Variants in NAV2 observed in about 807,000 individuals in gnomAD.
NAV2 encodes helicase, APC down-regulated 1.
A neutral mutation model predicts 223.2 loss-of-function variants in NAV2; 54 were observed. The observed-to-expected ratio is 0.24, with a 90% CI of 0.19 to 0.30. NAV2 has a LOEUF of 0.30. Ranked by LOEUF, NAV2 falls within the 10% of genes least tolerant of loss-of-function variation. The pLI is 1.00. For missense variants in NAV2, 2,806 were observed against 3,147.5 expected, an observed-to-expected ratio of 0.89 and a Z score of 2.60; for synonymous variants, 1,279 against 1,239.3, an observed-to-expected ratio of 1.03 and a Z score of -0.67.
intron 1 of NAV2, among the ~76,000 whole-genome samples, chr11:19,640,527 T>C (rs1759587659): frequency 6.6e-6 from 1 of 152,108 alleles, no homozygotes; most frequent in Non-Finnish European, 1.5e-5. Context: ...CTTGAAGATC[T>C]TTTTTTCCCC....
At chr11:19,359,636 G>A (rs973186786) in intron 1 of NAV2, among the ~76,000 whole-genome samples, 7 of 152,170 alleles carry the variant, frequency 4.6e-5, no homozygotes, top group African/African-American at 1.2e-4. Flanking sequence ...AACAAATGAC[G>A]TCACCAGTCA....
intron 1 of NAV2, among the ~76,000 whole-genome samples, chr11:19,611,424 C>T (rs1370376702): frequency 6.6e-6 from 1 of 152,192 alleles, no homozygotes; most frequent in Non-Finnish European, 1.5e-5. Flanking sequence ...CAACAGTCCA[C>T]AATCCAACAT....
Position 19,788,965 on chromosome 11 carries a change from G to C in NAV2, c.268-43519G>C, listed in dbSNP as rs2057335629. 2.6e-5 allele frequency among the ~76,000 whole-genome samples: 4 copies of C among 152,084 alleles called. No homozygotes were observed. The South Asian group carries it at 8.3e-4, about 32-fold the overall frequency. ...CATCTATGCCAGTTAGTAACAGGCT[G>C]TCTTCTTGAAATATTGCTGGCTCTC... On this transcript the variant is annotated intron_variant, in intron 1 of 37. Transcript: ENST00000349880.
In NAV2 at chr11:19,759,077, G is replaced by A. The variant is rs529975088; in HGVS notation, c.267+45115G>A. Among the ~76,000 whole-genome samples, 5 of 144,832 alleles carry A rather than the reference G, an allele frequency of 3.5e-5. No individual in the cohort carries two copies. In the Admixed American group the frequency reaches 3.5e-4, roughly 10 times the overall value. On this transcript the variant is annotated intron_variant, in intron 1 of 37. Transcript: ENST00000349880. ...ATCAGAATGAAATCATAGAACTTTG[G>A]ATCTGAAAGACACTTTTTTTTTTTT...
At chr11:19,688,828 C>T (rs1216208651) in intron 1 of NAV2, among the ~76,000 whole-genome samples, 12 of 152,134 alleles carry the variant, frequency 7.9e-5, no homozygotes, top group East Asian at 1.9e-4. Context: ...CATGGTATGC[C>T]GCAGTTAGCC....
chr11:19,631,160 G>T (rs1435747374), intron 1 of NAV2, among the ~76,000 whole-genome samples: 1 of 150,908 alleles, frequency 6.6e-6, no homozygotes, highest in African/African-American at 2.4e-5. Flanking sequence ...CAATGTGCAG[G>T]TTAGTTACAT....
Position 19,933,136 on chromosome 11 carries a change from A to G in NAV2, c.932-40A>G. On this transcript the variant is annotated intron_variant, in intron 6 of 37. Coordinates refer to ENST00000349880, the MANE Select transcript of NAV2 (RefSeq NM_145117.5). The surrounding 1 kb of genome is among the most constrained non-coding windows in gnomAD (Gnocchi z 4.3). ...CCCTCCCTGGTCTTCAGTGCAGGTC[A>G]ACAAGTATGATTCAGGCCTCCTCTC... 1 of 1,484,200 alleles carries G rather than the reference A, an allele frequency of 6.7e-7. No individual in the cohort carries two copies. Among genetic ancestry groups the G allele is most frequent in the Non-Finnish European group, 9.0e-7 (1 of 1,114,950 alleles). 91.9% of individuals were successfully genotyped at this position (1,484,200 alleles called of 1,614,324 possible).
chr11:19,470,628 G>T (rs1292712618), intron 1 of NAV2, among the ~76,000 whole-genome samples: 2 of 152,086 alleles, frequency 1.3e-5, no homozygotes, highest in Non-Finnish European at 1.5e-5. Context: ...ACCTCTTAAA[G>T]GTCCCATTTC....
intron 11 of NAV2, among the ~76,000 whole-genome samples, chr11:19,992,583 C>CTTTTTTTTTTTTTTTTTTTTTTTTTTT (rs780559920): frequency 9.7e-6 from 1 of 103,582 alleles, no homozygotes. Context: ...TCCTGAAGTA[C>CTTTTTTTTTTTTTTTTTTTTTTTTTTT]TTTTTTTTTT....
intron 1 of NAV2, among the ~76,000 whole-genome samples, chr11:19,486,314 C>T (rs546674238): frequency 2.2e-4 from 34 of 152,226 alleles, no homozygotes; most frequent in Admixed American, 7.2e-4. Flanking sequence ...TGGCCTTCCT[C>T]GTCATTTTTT....
intron 1 of NAV2, among the ~76,000 whole-genome samples, chr11:19,683,342 G>A (rs923362772): frequency 4.0e-4 from 61 of 152,320 alleles, no homozygotes; most frequent in African/African-American, 1.4e-3. Context: ...TTAGGAAGGC[G>A]GGGTCAGTGA....
intron 1 of NAV2, among the ~76,000 whole-genome samples, chr11:19,814,218 G>A (rs925676070): frequency 5.3e-5 from 8 of 152,174 alleles, no homozygotes; most frequent in Admixed American, 4.6e-4. Context: ...GGCAGGTTTC[G>A]CTTGTTTTCT....
rs115421490 is a variant in NAV2, at chr11:19,532,360, C to T, written c.75+181333C>T. On this transcript the variant is annotated intron_variant, in intron 1 of 37. Transcript: ENST00000360655. Reference sequence around the variant, plus strand: ...GGACTGTTTTCTCATCAGTAATATGCAAGTATAATGTCTACTCTATCATCT... The same window carrying T: ...GGACTGTTTTCTCATCAGTAATATGTAAGTATAATGTCTACTCTATCATCT... 5.7e-3 allele frequency among the ~76,000 whole-genome samples: 874 copies of T among 152,268 alleles called. 9 individuals are homozygous for T. The highest frequency in any genetic ancestry group is 0.02 in the African/African-American group (843 of 41,544).
intron 1 of NAV2, among the ~76,000 whole-genome samples, chr11:19,454,106 C>T (rs754063427): frequency 2.2e-4 from 33 of 152,170 alleles, no homozygotes; most frequent in Non-Finnish European, 3.7e-4. Flanking sequence ...GAACACTCCC[C>T]GTCCCTGGAG....
intron 1 of NAV2, among the ~76,000 whole-genome samples, chr11:19,808,595 G>C (rs2058697400): frequency 6.6e-6 from 1 of 152,184 alleles, no homozygotes; most frequent in Admixed American, 6.5e-5. Flanking sequence ...TTTATAGCAA[G>C]TTTATCTGCT....
Position 20,051,352 on chromosome 11 carries a change from T to C in NAV2, c.4481+19T>C, listed in dbSNP as rs746846414. 1.6e-5 allele frequency: 25 copies of C among 1,612,414 alleles called. No individual in the cohort carries two copies. Among genetic ancestry groups the C allele is most frequent in the Non-Finnish European group, 1.9e-5 (22 of 1,178,482 alleles). ...GACTCAGGTATCTGTGTTTCCTCCT[T>C]GCATCTGTGCCATCTGTTGTGGCTT... is the stretch of plus-strand genomic sequence containing the variant. On this transcript the variant is annotated intron_variant, in intron 17 of 37. Coordinates refer to ENST00000349880, the MANE Select transcript of NAV2 (RefSeq NM_145117.5).
rs577167548 is a variant in NAV2 at position 19,977,689 on chromosome 11, G to A, written c.2646-6436G>A. 4.0e-5 allele frequency among the ~76,000 whole-genome samples: 6 copies of A among 151,362 alleles called. No individual in the cohort carries two copies. The South Asian group carries it at 1.3e-3, about 32-fold the overall frequency. On this transcript the variant is annotated intron_variant, in intron 10 of 37. Transcript: ENST00000349880. Reference sequence around the variant, plus strand: ...GCTGCAGTTTTATAATTCGCACTGAGAAATTAAGCCCTTTTTTTTTCCAGT... The same window carrying A: ...GCTGCAGTTTTATAATTCGCACTGAAAAATTAAGCCCTTTTTTTTTCCAGT...
At chr11:19,986,930 A>G (rs1230485236) in intron 11 of NAV2, among the ~76,000 whole-genome samples, 3 of 152,264 alleles carry the variant, frequency 2.0e-5, no homozygotes, top group South Asian at 2.1e-4. Flanking sequence ...TACAAAATCT[A>G]TATTCTAAAT....
rs1268982186 is a variant in NAV2, at chr11:19,625,051, C to T, written c.76-207433C>T. 2.0e-5 allele frequency among the ~76,000 whole-genome samples: 3 copies of T among 152,186 alleles called. No individual in the cohort carries two copies. In the East Asian group the frequency reaches 5.8e-4, roughly 29 times the overall value. ...CATATTCATCATCTCAAACATTTAT[C>T]ATTTCCTTGTGTTGGGAATGTTTAA... On this transcript the variant is annotated intron_variant, in intron 1 of 37. Coordinates refer to the NAV2 transcript ENST00000360655.
Sources: gnomAD v4.1 joint callset for allele counts (sites outside exome capture counted in the v4.1 genomes callset) on GRCh38, gnomAD v4.1.1 for gene constraint, Gnocchi (gnomAD v3.1) non-coding constraint, MANE v1.5 for transcripts, NCBI Gene and HGNC (gene_info 2026-07-23, HGNC 2026-07-21) for gene names.